Variants in HSPA4L observed in about 807,000 individuals in gnomAD.
HSPA4L encodes the protein heat shock 70 kDa protein 4L.
Under a neutral mutation model 100.3 loss-of-function variants are expected in HSPA4L, and 48 were observed. The observed-to-expected ratio is 0.48, with a 90% CI of 0.38 to 0.61. HSPA4L has a LOEUF of 0.61. HSPA4L is among the 20% of genes least tolerant of loss of function. The probability of loss-of-function intolerance (pLI) is 0.00; values close to 1 mark genes in which losing one functional copy is unlikely to be tolerated. For missense variants in HSPA4L, 886 were observed against 988.6 expected (o/e 0.90, Z 1.39); for synonymous variants, 319 against 328.2 (o/e 0.97, Z 0.30).
In HSPA4L at chr4:127,834,533, A is replaced by G. The variant is rs1734161454; in HGVS notation, c.*1659A>G. 1 of 152,170 alleles carries G rather than the reference A, an allele frequency of 6.6e-6. No homozygotes were observed. The highest frequency in any genetic ancestry group is 2.4e-5 in the African/African-American group (1 of 41,464). 9.4% of individuals were successfully genotyped at this position (152,170 alleles called of 1,614,324 possible). On this transcript the variant is annotated 3_prime_UTR_variant, in exon 19 of 19. Transcript: ENST00000296464. The stretch of plus-strand genomic sequence containing the variant: ...CATTAAAAAATCATATAAACTTAAT[A>G]TATTTTTAAACTCTCCTAGTCTTTA...
At chr4:127,798,893 A>G (rs532931585) in intron 4 of HSPA4L, among the ~76,000 whole-genome samples, 184 bp downstream of exon 4, 1 of 152,336 alleles carries the variant, frequency 6.6e-6, no homozygotes, top group Non-Finnish European at 1.5e-5. Context: ...TTCCCATAAA[A>G]TCAATTATGA....
chr4:127,782,065 C>G (rs960455865), upstream of HSPA4L: 2 of 455,372 alleles, frequency 4.4e-6, no homozygotes, highest in Admixed American at 2.4e-5. Context: ...AGCCAATGTG[C>G]CTAGCCTCCT....
At chr4:127,808,242 GA>G in intron 11 of HSPA4L, 113 bp downstream of exon 11, 1 of 835,776 alleles carries the variant, frequency 1.2e-6, no homozygotes, top group Non-Finnish European at 1.8e-6. Flanking sequence ...GACTTTTAAA[GA>G]AAGATATTTA....
At position 127,782,340 on chromosome 4, in the gene HSPA4L, C is replaced by CTGCGGGACGCGG. The variant is rs948435120; in HGVS notation, c.-207_-196dup. 9.0e-6 allele frequency: 5 copies of CTGCGGGACGCGG among 553,314 alleles called. No homozygotes were observed. Among genetic ancestry groups the CTGCGGGACGCGG allele is most frequent in the South Asian group, 2.1e-5 (1 of 48,000 alleles). 34.3% of individuals were successfully genotyped at this position (553,314 alleles called of 1,614,324 possible). A position where few individuals can be genotyped will look rare whatever the true frequency, so the allele number is the denominator to read the frequency against. On this transcript the variant is annotated 5_prime_UTR_variant, in exon 1 of 19. Coordinates refer to ENST00000296464, the MANE Select transcript of HSPA4L (RefSeq NM_014278.4). ...GAACCGCAGTAGGGAAAGACCCAGG[C>CTGCGGGACGCGG]TGCGGGACGCGGTGCAGGCTGCGGC... is the stretch of plus-strand genomic sequence containing the variant.
At position 127,783,441 on chromosome 4, in the gene HSPA4L, A is replaced by C. The variant is rs901578087; in HGVS notation, c.107+784A>C. ...TCGGGGGCAGCTGTCCCGTATAAACATGACTGTGGAGTGATTCTATTATGA... is the reference window on the plus strand; with the variant it reads ...TCGGGGGCAGCTGTCCCGTATAAACCTGACTGTGGAGTGATTCTATTATGA... On this transcript the variant is annotated intron_variant, in intron 1 of 18. Transcript: ENST00000296464. The C allele has an allele frequency of 3.7e-6, 5 of 1,334,402 alleles. No individual in the cohort carries two copies. The African/African-American group carries it at 5.9e-5, about 16-fold the overall frequency. 82.7% of individuals were successfully genotyped at this position (1,334,402 alleles called of 1,614,324 possible). A position where few individuals can be genotyped will look rare whatever the true frequency, so the allele number is the denominator to read the frequency against.
chr4:127,818,461 G>T lies in HSPA4L; in HGVS notation c.1674+41G>T, dbSNP rs751097566. 129 of 1,258,892 alleles carry T rather than the reference G, an allele frequency of 1.0e-4. 1 individual carries two copies. Among genetic ancestry groups the T allele is most frequent in the Non-Finnish European group, 1.3e-4 (112 of 883,928 alleles). 78.0% of individuals were successfully genotyped at this position (1,258,892 alleles called of 1,614,324 possible). On this transcript the variant is annotated intron_variant, in intron 13 of 18. Coordinates refer to ENST00000296464, the MANE Select transcript of HSPA4L (RefSeq NM_014278.4). ...TCTGTAGTTATGTCTTTTTGAAATT[G>T]ATATTTTGAATTATTGTATTTAATG...
chr4:127,808,928 A>G (rs1733443497), intron 11 of HSPA4L, among the ~76,000 whole-genome samples: 1 of 152,158 alleles, frequency 6.6e-6, no homozygotes, highest in Non-Finnish European at 1.5e-5. Context: ...CTCTATCAAA[A>G]TAAAATGCTC....
Position 127,782,613 on chromosome 4 carries a change from C to T in HSPA4L, c.63C>T (p.Gly21=). 2.5e-6 allele frequency: 4 copies of T among 1,613,900 alleles called. No homozygotes were observed. The highest frequency in any genetic ancestry group is 1.3e-5 in the African/African-American group (1 of 75,024). The stretch of plus-strand genomic sequence containing the variant: ...GCTACATTGCTGTCGCGAGAAGTGG[C>T]GGCATCGAGACCATCGCCAATGAGT... ...LNCYIAVARS[G]GIETIANEYS... is the part of the protein sequence containing the mutation. Residue 21 remains glycine, a synonymous_variant, in exon 1 of 19, where the codon GGC becomes GGT. Transcript: ENST00000296464.
At chr4:127,788,117 AT>A (rs1276995561) in intron 1 of HSPA4L, among the ~76,000 whole-genome samples, 3 of 152,064 alleles carry the variant, frequency 2.0e-5, no homozygotes, top group African/African-American at 7.2e-5. Context: ...TAAATAATGT[AT>A]CAAATTTAAT....
chr4:127,820,690 T>C, intron 14 of HSPA4L, 125 bp downstream of exon 14: 1 of 814,900 alleles, frequency 1.2e-6, no homozygotes, highest in Non-Finnish European at 1.9e-6. Flanking sequence ...ATTAAGTAGA[T>C]TACTAAACTA....
chr4:127,808,658 G>A lies in HSPA4L; in HGVS notation c.1378+529G>A, dbSNP rs147245502. The stretch of plus-strand genomic sequence containing the variant: ...CCATTTCACTCACATGCAAAATGAT[G>A]TATAAAAGGTTCTTCCATCCTCAGA... On this transcript the variant is annotated intron_variant, in intron 11 of 18. Coordinates refer to ENST00000296464, the MANE Select transcript of HSPA4L (RefSeq NM_014278.4). Among the ~76,000 whole-genome samples the A allele has an allele frequency of 5.2e-3, 793 of 152,226 alleles. 8 individuals carry two copies. Among genetic ancestry groups the A allele is most frequent in the African/African-American group, 0.018 (751 of 41,544 alleles).
chr4:127,840,507 T>C lies in HSPA4L; in HGVS notation c.*7633T>C, dbSNP rs1281354434. 1.3e-5 allele frequency: 2 copies of C among 152,194 alleles called. No individual in the cohort carries two copies. The highest frequency in any genetic ancestry group is 4.8e-5 in the African/African-American group (2 of 41,454). 9.4% of individuals were successfully genotyped at this position (152,194 alleles called of 1,614,324 possible). The stretch of plus-strand genomic sequence containing the variant: ...CATGAGAATGGTTTATGATCTTAAG[T>C]TGGTAACATAGGAATATGTATTTGT... On this transcript the variant is annotated 3_prime_UTR_variant, in exon 19 of 19. Coordinates refer to ENST00000296464, the MANE Select transcript of HSPA4L (RefSeq NM_014278.4).
intron 3 of HSPA4L, among the ~76,000 whole-genome samples, chr4:127,797,131 A>C (rs993034669): frequency 2.0e-5 from 3 of 152,010 alleles, no homozygotes; most frequent in Admixed American, 1.3e-4. Flanking sequence ...GAGAAGTTGA[A>C]GACAGGGAAC....
Position 127,798,697 on chromosome 4 carries a change from C to G in HSPA4L, c.417C>G (p.Asp139Glu). The G allele has an allele frequency of 6.2e-7, 1 of 1,613,446 alleles. No individual in the cohort carries two copies. Among genetic ancestry groups the G allele is most frequent in the East Asian group, 2.2e-5 (1 of 44,808 alleles). Reference protein sequence around the residue: ...SENALKKPVADCVISIPSFFT... With the variant: ...SENALKKPVAECVISIPSFFT... ...ATGCTTTGAAGAAACCAGTGGCTGA[C>G]TGTGTGATTTCAGTAAGTTTTACTT... The change falls in exon 4 of 19, where the codon GAC (aspartate) becomes GAG (glutamate). Residue 139 changes from aspartate (D) to glutamate (E), a missense_variant. By Grantham distance (45) the Asp-to-Glu change is conservative. Transcript: ENST00000296464.
intron 1 of HSPA4L, among the ~76,000 whole-genome samples, chr4:127,793,138 T>G (rs1190902324): frequency 1.3e-5 from 2 of 152,176 alleles, no homozygotes; most frequent in Non-Finnish European, 2.9e-5. Context: ...TCTTAGTTTT[T>G]AAGTGGATCA....
chr4:127,831,501 TA>T (rs770152039), intron 18 of HSPA4L, among the ~76,000 whole-genome samples: 12,404 of 103,380 alleles, frequency 0.12, 715 homozygotes, highest in African/African-American at 0.2. Context: ...CCTTGTCTAT[TA>T]AAAAAAAAAA....
intron 16 of HSPA4L, among the ~76,000 whole-genome samples, chr4:127,825,715 A>C (rs747650132): frequency 6.6e-6 from 1 of 152,220 alleles, no homozygotes; most frequent in African/African-American, 2.4e-5. Context: ...ACCTGAGGTC[A>C]GGAGTTCCAG....
chr4:127,782,078 C>T (rs1732567704), upstream of HSPA4L: 1 of 455,430 alleles, frequency 2.2e-6, no homozygotes, highest in Non-Finnish European at 4.4e-6. Context: ...AGCCTCCTTT[C>T]CCCGATCCTC....
Position 127,830,635 on chromosome 4 carries a change from T to C in HSPA4L, c.2167-3T>C, listed in dbSNP as rs1734055122. On this transcript the variant is annotated splice_region_variant and splice_polypyrimidine_tract_variant and intron_variant, in intron 17 of 18. Coordinates refer to ENST00000296464, the MANE Select transcript of HSPA4L (RefSeq NM_014278.4). ...TGCAGTCAAGCTTTTTTTTTTTAAA[T>C]AGGATGAAAGATATGATCATCTGGA... is the stretch of plus-strand genomic sequence containing the variant. The C allele has an allele frequency of 1.3e-6, 2 of 1,561,990 alleles. No individual in the cohort carries two copies. The highest frequency in any genetic ancestry group is 2.2e-5 in the Admixed American group (1 of 45,634).
Sources: gnomAD v4.1 joint callset for allele counts (sites outside exome capture counted in the v4.1 genomes callset) on GRCh38, gnomAD v4.1.1 for gene constraint, MANE v1.5 for transcripts, NCBI Gene and HGNC (gene_info 2026-07-23, HGNC 2026-07-21) for gene names.